MEGF11: variants seen among roughly 807,000 people sequenced by gnomAD.
The protein encoded by MEGF11 is multiple EGF like domains 11.
A neutral mutation model predicts 146.6 loss-of-function variants in MEGF11; 126 were observed. The observed-to-expected ratio is 0.86, with a 90% CI of 0.74 to 1.00. The LOEUF (loss-of-function observed/expected upper bound fraction) is 1.00, where lower values mean the gene tolerates loss of function less well. Ranked by LOEUF, MEGF11 falls within the 50% of genes least tolerant of loss-of-function variation. The probability of loss-of-function intolerance (pLI) is 0.00; values close to 1 mark genes in which losing one functional copy is unlikely to be tolerated. For missense variants in MEGF11, 1,509 were observed against 1,521.2 expected (o/e 0.99, Z 0.13); for synonymous variants, 532 against 583.4 (o/e 0.91, Z 1.27).
intron 1 of MEGF11, among the ~76,000 whole-genome samples, chr15:66,142,903 A>G (rs1398598992): frequency 6.6e-6 from 1 of 152,208 alleles, no homozygotes; most frequent in Admixed American, 6.5e-5. Flanking sequence ...CAGCCATGGG[A>G]CTAACAGAAG....
At chr15:65,933,479 C>T (rs954576598) in intron 10 of MEGF11, among the ~76,000 whole-genome samples, 7 of 152,202 alleles carry the variant, frequency 4.6e-5, no homozygotes, top group East Asian at 1.9e-4. Context: ...CTGCCCTGGC[C>T]GTGATCCATG....
intron 19 of MEGF11, 102 bp from the exon 20 acceptor site, chr15:65,914,075 T>G (rs1281333302): frequency 2.3e-6 from 2 of 882,052 alleles, no homozygotes; most frequent in African/African-American, 3.3e-5. Context: ...TGTTAGGAGA[T>G]CTGGTTCTGG....
chr15:66,232,001 A>G (rs2091976565), intron 1 of MEGF11, among the ~76,000 whole-genome samples: 1 of 152,170 alleles, frequency 6.6e-6, no homozygotes, highest in African/African-American at 2.4e-5. Context: ...GGTCAAACTG[A>G]GGTACACAGA....
At chr15:66,071,559 C>T (rs896461406) in intron 5 of MEGF11, among the ~76,000 whole-genome samples, 3 of 152,182 alleles carry the variant, frequency 2.0e-5, no homozygotes, top group African/African-American at 2.4e-5. Context: ...GCCTGTGTGG[C>T]GTGTGCTCTC....
intron 1 of MEGF11, among the ~76,000 whole-genome samples, chr15:66,190,043 T>TA (rs1159833790): frequency 6.6e-6 from 1 of 152,162 alleles, no homozygotes; most frequent in African/African-American, 2.4e-5. Context: ...ATGGGCTGCA[T>TA]ACTGGAATCA....
chr15:66,058,686 G>C (rs1165709548), intron 5 of MEGF11, among the ~76,000 whole-genome samples: 1 of 152,116 alleles, frequency 6.6e-6, no homozygotes, highest in East Asian at 1.9e-4. Flanking sequence ...CTGTAGGGAG[G>C]CATCAGGGGT....
chr15:66,005,206 C>T (rs1449368645), intron 5 of MEGF11, among the ~76,000 whole-genome samples: 1 of 152,190 alleles, frequency 6.6e-6, no homozygotes, highest in Non-Finnish European at 1.5e-5. Flanking sequence ...CTTCTTCTCC[C>T]ACCTCCACTT....
chr15:66,068,203 T>C lies in MEGF11; in HGVS notation c.394+26199A>G, dbSNP rs556380537. On this transcript the variant is annotated intron_variant, in intron 5 of 25. Coordinates refer to ENST00000395614, the MANE Select transcript of MEGF11 (RefSeq NM_001385028.1). ...CCAATAGGGCAGGGATCCTGTCCTG[T>C]GCACTGCCTGGTGCATAGTAGGTAC... Among the ~76,000 whole-genome samples the C allele has an allele frequency of 1.1e-3, 165 of 152,356 alleles. 2 individuals carry two copies. The South Asian group carries it at 0.033, about 30-fold the overall frequency.
chr15:66,008,409 G>GCACA (rs1227561238), intron 5 of MEGF11, among the ~76,000 whole-genome samples: 7 of 46,536 alleles, frequency 1.5e-4, no homozygotes, highest in African/African-American at 4.2e-4. Context: ...ACACGCGCGC[G>GCACA]CGCACACACA....
intron 4 of MEGF11, 83 bp from the exon 5 acceptor site, chr15:66,094,577 G>C: frequency 8.2e-7 from 1 of 1,225,084 alleles, no homozygotes; most frequent in South Asian, 1.4e-5. Flanking sequence ...AATCCATTTT[G>C]TCACAACTCC....
intron 5 of MEGF11, among the ~76,000 whole-genome samples, chr15:66,080,844 C>T (rs1279526741): frequency 3.9e-5 from 6 of 152,214 alleles, no homozygotes; most frequent in African/African-American, 1.4e-4. Context: ...CCCGGGGAGG[C>T]CCACAGGCAC....
chr15:65,904,011 A>T (rs567177757), intron 24 of MEGF11, among the ~76,000 whole-genome samples: 1 of 152,308 alleles, frequency 6.6e-6, no homozygotes, highest in African/African-American at 2.4e-5. Context: ...CAGAGGTCAG[A>T]TATATGATTC....
At chr15:66,081,726 A>G (rs1438383946) in intron 5 of MEGF11, among the ~76,000 whole-genome samples, 2 of 152,180 alleles carry the variant, frequency 1.3e-5, no homozygotes, top group Non-Finnish European at 2.9e-5. Context: ...AAAGGAAAGG[A>G]CCAGGGTCCC....
Position 65,898,771 on chromosome 15 carries a change from A to G in MEGF11, c.3219T>C (p.Asp1073=). ...TATTAGATGTCGACAAGGATGGCACATCTGTGTACGGAGACCCCATGTGCA... is the reference window on the plus strand; with the variant it reads ...TATTAGATGTCGACAAGGATGGCACGTCTGTGTACGGAGACCCCATGTGCA... The part of the protein sequence containing the change: ...SPVHMGSPYT[D]VPSLSTSNKN... Residue 1073 remains aspartate (D), a synonymous_variant, in exon 25 of 26, where the codon GAT becomes GAC. Coordinates refer to ENST00000395614, the MANE Select transcript of MEGF11 (RefSeq NM_001385028.1). The G allele has an allele frequency of 6.2e-7, 1 of 1,613,996 alleles. No individual in the cohort carries two copies. Among genetic ancestry groups the G allele is most frequent in the Non-Finnish European group, 8.5e-7 (1 of 1,179,860 alleles).
chr15:66,123,005 G>A lies in MEGF11; in HGVS notation c.200+894C>T, dbSNP rs75702367. On this transcript the variant is annotated intron_variant, in intron 3 of 25. Coordinates refer to ENST00000395614, the MANE Select transcript of MEGF11 (RefSeq NM_001385028.1). ...TCACTGTGTTAGCCAGGATGATCTC[G>A]TTCTCCTGACCTTGTGATACGCCCA... Among the ~76,000 whole-genome samples the A allele has an allele frequency of 5.0e-3, 759 of 152,178 alleles. 7 individuals carry two copies. Among genetic ancestry groups the A allele is most frequent in the African/African-American group, 0.017 (709 of 41,512 alleles).
chr15:65,955,739 TAAAAAAAAAAA>T (rs1189666912), intron 10 of MEGF11, among the ~76,000 whole-genome samples: 2 of 9,738 alleles, frequency 2.1e-4, no homozygotes, highest in African/African-American at 1.2e-3. Flanking sequence ...GTGAGACTCT[TAAAAAAAAAAA>T]AAAAAAAAAA....
At position 66,043,460 on chromosome 15, in the gene MEGF11, T is replaced by C. The variant is rs146791050; in HGVS notation, c.394+50942A>G. Among the ~76,000 whole-genome samples the C allele has an allele frequency of 8.0e-3, 1,216 of 152,368 alleles. 5 individuals carry two copies. The highest frequency in any genetic ancestry group is 0.012 in the Admixed American group (181 of 15,308). ...GGCAGAAGCCACGATAATACCACAC[T>C]GCGTGGCCCAGAGGCCCTTCGCCTG... is the stretch of plus-strand genomic sequence containing the variant. On this transcript the variant is annotated intron_variant, in intron 5 of 25. Transcript: ENST00000395614.
chr15:66,035,893 A>G (rs2083707706), intron 5 of MEGF11, among the ~76,000 whole-genome samples: 1 of 152,242 alleles, frequency 6.6e-6, no homozygotes, highest in Non-Finnish European at 1.5e-5. Flanking sequence ...TAAGCTTCAC[A>G]TCTACGGGTG....
intron 10 of MEGF11, among the ~76,000 whole-genome samples, chr15:65,934,638 G>T (rs538783206): frequency 1.3e-5 from 2 of 152,204 alleles, no homozygotes; most frequent in Non-Finnish European, 2.9e-5. Context: ...GGATTAGAAA[G>T]TTGGGACTTA....
Sources: gnomAD v4.1 joint callset for allele counts (sites outside exome capture counted in the v4.1 genomes callset) on GRCh38, gnomAD v4.1.1 for gene constraint, MANE v1.5 for transcripts, NCBI Gene and HGNC (gene_info 2026-07-23, HGNC 2026-07-21) for gene names.